The following HTR7 variants were observed in gnomAD, a reference collection of about 807,000 sequenced individuals.
HTR7 encodes the protein 5-HT-7.
In HTR7, 16 loss-of-function variants were observed where a neutral mutation model predicts 34.0. That is an observed-to-expected ratio of 0.47 (90% CI 0.32 to 0.71). The LOEUF (loss-of-function observed/expected upper bound fraction) is 0.71, where lower values mean the gene tolerates loss of function less well. Ranked by LOEUF, HTR7 falls within the 30% of genes least tolerant of loss-of-function variation. The pLI is 0.04. For synonymous variants in HTR7, 265 were observed against 260.2 expected (o/e 1.02, Z -0.18); for missense variants, 504 against 625.5 (o/e 0.81, Z 2.07).
chr10:90,772,959 G>A (rs1012823655), intron 1 of HTR7, among the ~76,000 whole-genome samples: 11 of 152,072 alleles, frequency 7.2e-5, no homozygotes, highest in African/African-American at 2.7e-4. Context: ...CTCAAAACTA[G>A]GTTTCAACAT....
intron 2 of HTR7, among the ~76,000 whole-genome samples, chr10:90,746,607 C>T (rs1844640180): frequency 6.6e-6 from 1 of 152,172 alleles, no homozygotes; most frequent in Non-Finnish European, 1.5e-5. Context: ...GCAAAATAAC[C>T]TAGCTATTTG....
At chr10:90,824,613 A>G (rs1440571961) in intron 1 of HTR7, among the ~76,000 whole-genome samples, 1 of 152,142 alleles carries the variant, frequency 6.6e-6, no homozygotes, top group Non-Finnish European at 1.5e-5. Flanking sequence ...GGATTTCTGG[A>G]CCTGTCCTGG....
At chr10:90,781,453 C>T (rs891843335) in intron 1 of HTR7, among the ~76,000 whole-genome samples, 16 of 152,134 alleles carry the variant, frequency 1.1e-4, no homozygotes, top group Admixed American at 3.3e-4. Context: ...CCTCTGGAAA[C>T]AACTAGAAAA....
intron 1 of HTR7, among the ~76,000 whole-genome samples, chr10:90,823,670 A>T (rs994518191): frequency 2.0e-5 from 3 of 152,206 alleles, no homozygotes; most frequent in Admixed American, 6.5e-5. Context: ...GGCCAGGAGC[A>T]GAATGATAGA....
intron 1 of HTR7, among the ~76,000 whole-genome samples, chr10:90,832,163 C>T (rs186277305): frequency 6.6e-5 from 10 of 152,350 alleles, no homozygotes; most frequent in Admixed American, 3.9e-4. Flanking sequence ...GCAAGTCCCA[C>T]GCCATGCGGG....
At chr10:90,766,395 C>G (rs1354520444) in intron 1 of HTR7, among the ~76,000 whole-genome samples, 1 of 152,160 alleles carries the variant, frequency 6.6e-6, no homozygotes, top group African/African-American at 2.4e-5. Context: ...ATTTTCCATC[C>G]CACTTTCAGC....
intron 2 of HTR7, among the ~76,000 whole-genome samples, chr10:90,748,495 T>C (rs962522264): frequency 3.9e-5 from 6 of 152,162 alleles, no homozygotes; most frequent in African/African-American, 1.4e-4. Context: ...AGAAGAATAA[T>C]AACAACTAAA....
intron 1 of HTR7, among the ~76,000 whole-genome samples, chr10:90,812,118 AC>A (rs1311073096): frequency 6.8e-6 from 1 of 146,424 alleles, no homozygotes; most frequent in Non-Finnish European, 1.5e-5. Flanking sequence ...CAGAAGTCAG[AC>A]CTGTCCTCAG....
At chr10:90,786,923 C>T (rs556705483) in intron 1 of HTR7, among the ~76,000 whole-genome samples, 4 of 152,288 alleles carry the variant, frequency 2.6e-5, no homozygotes, top group South Asian at 4.1e-4. Context: ...AAAAAATCAT[C>T]GTCTGCGTTA....
intron 1 of HTR7, among the ~76,000 whole-genome samples, chr10:90,802,996 C>CTTTTTTTTTTTTTTTTTT (rs35715510): frequency 7.9e-5 from 7 of 89,016 alleles, no homozygotes; most frequent in Non-Finnish European, 1.3e-4. Flanking sequence ...CATTTGTGGC[C>CTTTTTTTTTTTTTTTTTT]TTTTTTTTTT....
intron 1 of HTR7, among the ~76,000 whole-genome samples, chr10:90,757,052 G>A (rs1015485673): frequency 1.3e-5 from 2 of 152,106 alleles, no homozygotes; most frequent in Non-Finnish European, 2.9e-5. Flanking sequence ...GGCGGGGATG[G>A]CAGCAAAGAA....
chr10:90,756,132 T>C (rs1844829946), intron 1 of HTR7, among the ~76,000 whole-genome samples: 1 of 152,182 alleles, frequency 6.6e-6, no homozygotes, highest in Non-Finnish European at 1.5e-5. Flanking sequence ...GAACATACTA[T>C]TCAAAACCAG....
intron 1 of HTR7, among the ~76,000 whole-genome samples, chr10:90,849,989 G>A (rs1035432077): frequency 1.3e-5 from 2 of 152,218 alleles, no homozygotes; most frequent in Admixed American, 1.3e-4. Context: ...AAAATTGGGT[G>A]AAGGGTAAGG....
rs1844553800 is a variant in HTR7, at chr10:90,741,897, G to A, written c.*585C>T. 6.6e-6 allele frequency: 1 copy of A among 151,668 alleles called. No individual in the cohort carries two copies. Among genetic ancestry groups the A allele is most frequent in the African/African-American group, 2.4e-5 (1 of 41,366 alleles). The allele number at this position is 151,668 out of a possible 1,614,324, so 9.4% of individuals were successfully genotyped here. On this transcript the variant is annotated 3_prime_UTR_variant, in exon 4 of 4. Transcript: ENST00000336152. The stretch of plus-strand genomic sequence containing the variant: ...TTAACACAGAAAAGTACATAGGTGG[G>A]GAAATCACAGAGACCCTGCAGAAAA...
At chr10:90,775,804 T>G (rs1318994091) in intron 1 of HTR7, among the ~76,000 whole-genome samples, 1 of 152,214 alleles carries the variant, frequency 6.6e-6, no homozygotes, top group African/African-American at 2.4e-5. Flanking sequence ...ATTCACTGAC[T>G]TTCTTCTGTA....
Position 90,833,057 on chromosome 10 carries a change from G to A in HTR7, c.539+24076C>T, listed in dbSNP as rs192680365. Among the ~76,000 whole-genome samples, 44 of 152,350 alleles carry A rather than the reference G, an allele frequency of 2.9e-4. No individual in the cohort carries two copies. The South Asian group carries it at 5.6e-3, about 19-fold the overall frequency. On this transcript the variant is annotated intron_variant, in intron 1 of 3. Transcript: ENST00000336152. Reference sequence around the variant, plus strand: ...GAAGGTGGAGTAGACTTGGAGACATGAACTAGCACAGGTCCCTTCCAGTTT... The same window carrying A: ...GAAGGTGGAGTAGACTTGGAGACATAAACTAGCACAGGTCCCTTCCAGTTT...
chr10:90,849,252 A>C (rs540950684), intron 1 of HTR7, among the ~76,000 whole-genome samples: 1 of 152,198 alleles, frequency 6.6e-6, no homozygotes, highest in African/African-American at 2.4e-5. Flanking sequence ...ACTATTTGCA[A>C]CGTAGTTCAC....
At chr10:90,837,254 T>G (rs1846267977) in intron 1 of HTR7, among the ~76,000 whole-genome samples, 1 of 152,218 alleles carries the variant, frequency 6.6e-6, no homozygotes, top group African/African-American at 2.4e-5. Context: ...TAAAATGTGT[T>G]TAAGTATTTA....
intron 1 of HTR7, among the ~76,000 whole-genome samples, chr10:90,838,093 A>C (rs1323520280): frequency 1.3e-5 from 2 of 152,172 alleles, no homozygotes; most frequent in Non-Finnish European, 2.9e-5. Context: ...CATTGCCTGA[A>C]GTATCATTTA....
Sources: allele counts gnomAD v4.1 joint callset (sites outside exome capture counted in the v4.1 genomes callset), GRCh38; gene constraint gnomAD v4.1.1; transcripts MANE v1.5; gene names NCBI Gene and HGNC (gene_info 2026-07-23, HGNC 2026-07-21).